The following CFAP47 variants were observed in gnomAD, a reference collection of about 807,000 sequenced individuals.
The protein encoded by CFAP47 is cilia- and flagella-associated protein 47.
Under a neutral mutation model 148.1 loss-of-function variants are expected in CFAP47, and 29 were observed. The ratio of observed to expected loss-of-function variants is 0.20; its 90% confidence interval spans 0.15 to 0.27. The LOEUF (loss-of-function observed/expected upper bound fraction) is 0.27. Among genes scored for constraint, CFAP47 ranks in the 10% least tolerant of loss-of-function variants. The probability of loss-of-function intolerance (pLI) is 1.00; values close to 1 mark genes in which losing one functional copy is unlikely to be tolerated. For missense variants in CFAP47, 1,872 were observed against 1,697.5 expected (o/e 1.10, Z -1.81); for synonymous variants, 664 against 577.3 (o/e 1.15, Z -2.15).
At chrX:35,933,530 G>T (rs747675980) in intron 2 of CFAP47, among the ~76,000 whole-genome samples, 1 of 112,093 alleles carries the variant, frequency 8.9e-6, no homozygotes, top group Non-Finnish European at 1.9e-5. Context: ...ATAAACACGA[G>T]AGTGCAGATA....
At chrX:36,282,636 A>G (rs1413880664) in intron 50 of CFAP47, among the ~76,000 whole-genome samples, 1 of 111,536 alleles carries the variant, frequency 9.0e-6, no homozygotes, top group Admixed American at 9.5e-5. Flanking sequence ...AATTAGAGAA[A>G]TCTTCTAGCT....
chrX:36,312,481 G>C (rs782719737), intron 56 of CFAP47, among the ~76,000 whole-genome samples: 1 of 110,922 alleles, frequency 9.0e-6, no homozygotes, highest in South Asian at 3.8e-4. Context: ...AAAAATATGT[G>C]TTTGTGACGT....
intron 42 of CFAP47, among the ~76,000 whole-genome samples, chrX:36,197,846 C>T (rs1555987432): frequency 9.0e-6 from 1 of 111,251 alleles, no homozygotes; most frequent in South Asian, 3.7e-4. Context: ...TTTTAGGGAA[C>T]ATTATCATAC....
intron 30 of CFAP47, among the ~76,000 whole-genome samples, chrX:36,089,133 C>T (rs1045508410): frequency 9.0e-6 from 1 of 111,394 alleles, no homozygotes; most frequent in Non-Finnish European, 1.9e-5. Context: ...TTTGGGAGGC[C>T]GAGGTGAGTG....
At chrX:36,335,049 A>G (rs1226270633) in intron 57 of CFAP47, among the ~76,000 whole-genome samples, 1 of 111,002 alleles carries the variant, frequency 9.0e-6, no homozygotes, top group Non-Finnish European at 1.9e-5. Flanking sequence ...ACCCACAAAC[A>G]TTTTAAAATT....
intron 26 of CFAP47, among the ~76,000 whole-genome samples, chrX:36,058,568 A>G (rs999913978): frequency 1.8e-5 from 2 of 111,832 alleles, no homozygotes; most frequent in African/African-American, 6.5e-5. Flanking sequence ...ACAATATGTG[A>G]ACTTTATTTT....
chrX:36,268,693 C>T (rs1940924184), intron 49 of CFAP47, among the ~76,000 whole-genome samples: 1 of 111,987 alleles, frequency 8.9e-6, no homozygotes, highest in South Asian at 3.6e-4. Context: ...GTCTGTCTTG[C>T]TTGCTCAATC....
rs781911760 is a variant in CFAP47, at chrX:36,357,774, T to C, written c.8852-3556T>C. Among the ~76,000 whole-genome samples, 4 of 111,824 alleles carry C rather than the reference T, an allele frequency of 3.6e-5. No homozygotes were observed. The East Asian group carries it at 1.1e-3, about 31-fold the overall frequency. ...TACCTCCTGGTCCATGCATTCTTTG[T>C]AATTCTCTATGGATTAGTTCAGTGA... On this transcript the variant is annotated intron_variant, in intron 60 of 63. Transcript: ENST00000378653.
chrX:36,370,669 A>T (rs1556021173), intron 62 of CFAP47, among the ~76,000 whole-genome samples: 2 of 110,771 alleles, frequency 1.8e-5, no homozygotes, highest in Non-Finnish European at 3.8e-5. Flanking sequence ...GGGAGGCTAC[A>T]CCTAGGAAGG....
At chrX:35,953,938 T>C (rs1475467125) in intron 7 of CFAP47, among the ~76,000 whole-genome samples, 1 of 111,405 alleles carries the variant, frequency 9.0e-6, no homozygotes, top group Non-Finnish European at 1.9e-5. Flanking sequence ...GAAGTTAGGT[T>C]ATAATTTTAA....
chrX:36,285,366 A>G (rs1941121701), intron 50 of CFAP47, among the ~76,000 whole-genome samples: 2 of 111,918 alleles, frequency 1.8e-5, no homozygotes, highest in Non-Finnish European at 3.8e-5. Context: ...AATTCATTTT[A>G]TGGAAGAACT....
At chrX:36,371,692 A>G (rs868994078) in intron 62 of CFAP47, among the ~76,000 whole-genome samples, 1,845 of 74,646 alleles carry the variant, frequency 0.025, 334 homozygotes, top group African/African-American at 0.098. Context: ...ATGTGTGTAT[A>G]TACACACATG....
At chrX:36,246,194 AT>A (rs1329445293) in intron 48 of CFAP47, among the ~76,000 whole-genome samples, 1 of 112,039 alleles carries the variant, frequency 8.9e-6, no homozygotes, top group Admixed American at 9.5e-5. Context: ...CCCAGAATCT[AT>A]AAGGAACTTA....
At chrX:36,128,883 A>G (rs1019211504) in intron 33 of CFAP47, among the ~76,000 whole-genome samples, 35 of 110,787 alleles carry the variant, frequency 3.2e-4, no homozygotes, top group Admixed American at 3.0e-3. Context: ...CTGTTATTTT[A>G]GTTGATTGCT....
At chrX:36,311,335 A>G (rs1941392696) in intron 56 of CFAP47, among the ~76,000 whole-genome samples, 1 of 111,075 alleles carries the variant, frequency 9.0e-6, no homozygotes, top group Non-Finnish European at 1.9e-5. Context: ...TGATATGGTG[A>G]TTTTGTTTCC....
At chrX:36,253,179 C>T (rs782143993) in intron 49 of CFAP47, among the ~76,000 whole-genome samples, 1 of 111,638 alleles carries the variant, frequency 9.0e-6, no homozygotes, top group Non-Finnish European at 1.9e-5. Flanking sequence ...TTAAATGCAG[C>T]GCAGGATACA....
Position 36,071,883 on chromosome X carries a change from T to C in CFAP47, c.4377T>C (p.Ala1459=), listed in dbSNP as rs1430393317. The change falls in exon 28 of 64, where the codon GCT becomes GCC. Residue 1459 remains alanine, a synonymous_variant. Transcript: ENST00000378653. ...GTGTTTTGCCTCCCTACCAGGATGC[T>C]AAACCACCCTCTCCTGCTTCAATTA... is the stretch of plus-strand genomic sequence containing the variant. ...RDGVLPPYQD[A]KPPSPASIKK... is the part of the protein sequence containing the mutation. The C allele has an allele frequency of 8.3e-7, 1 of 1,202,443 alleles. No individual in the cohort carries two copies. The highest frequency in any genetic ancestry group is 1.1e-6 in the Non-Finnish European group (1 of 888,733).
Position 36,192,540 on chromosome X carries a change from G to A in CFAP47, c.6321+2344G>A, listed in dbSNP as rs190223406. Among the ~76,000 whole-genome samples, 120 of 111,825 alleles carry A rather than the reference G, an allele frequency of 1.1e-3. 1 individual carries two copies. Among genetic ancestry groups the A allele is most frequent in the Non-Finnish European group, 1.9e-3 (102 of 53,197 alleles). ...GGGTTTTTATGCAGTAAACCACTTG[G>A]CATTGCTGAGCTGACCTGTGTAAGG... On this transcript the variant is annotated intron_variant, in intron 42 of 63. Transcript: ENST00000378653.
At chrX:36,107,006 C>A (rs941640326) in intron 33 of CFAP47, among the ~76,000 whole-genome samples, 1 of 111,594 alleles carries the variant, frequency 9.0e-6, no homozygotes, top group Non-Finnish European at 1.9e-5. Context: ...AATGTAGGTT[C>A]ATCAGTTGTA....
Sources: allele counts gnomAD v4.1 joint callset (sites outside exome capture counted in the v4.1 genomes callset), GRCh38; gene constraint gnomAD v4.1.1; transcripts MANE v1.5; gene names NCBI Gene and HGNC (gene_info 2026-07-23, HGNC 2026-07-21).